Variants in TENM4 observed in about 807,000 individuals in gnomAD.
TENM4 encodes the protein teneurin-4.
Under a neutral mutation model 243.3 loss-of-function variants are expected in TENM4, and 82 were observed. That is an observed-to-expected ratio of 0.34 (90% CI 0.28 to 0.40). The LOEUF is 0.40. Among genes scored for constraint, TENM4 ranks in the 10% least tolerant of loss-of-function variants. The pLI is 1.00. For synonymous variants in TENM4, 1,412 were observed against 1,456.3 expected, an observed-to-expected ratio of 0.97 and a Z score of 0.69; for missense variants, 3,138 against 3,673.3, an observed-to-expected ratio of 0.85 and a Z score of 3.77.
chr11:79,039,356 T>C (rs1859462218), intron 6 of TENM4, among the ~76,000 whole-genome samples: 1 of 152,216 alleles, frequency 6.6e-6, no homozygotes, highest in African/African-American at 2.4e-5. Context: ...AGCCCCACAC[T>C]TGCTGTACGT....
At chr11:78,996,201 C>T (rs1858168451) in intron 6 of TENM4, among the ~76,000 whole-genome samples, 1 of 152,194 alleles carries the variant, frequency 6.6e-6, no homozygotes, top group Non-Finnish European at 1.5e-5. Context: ...ACTACTTTAA[C>T]TAATTGAATG....
chr11:79,270,620 T>C (rs528517982), intron 2 of TENM4, among the ~76,000 whole-genome samples: 2 of 152,130 alleles, frequency 1.3e-5, no homozygotes, highest in Non-Finnish European at 2.9e-5. Flanking sequence ...ACTTTTCATT[T>C]CTATTCCAGC....
At chr11:79,209,282 T>A (rs77819935) in intron 3 of TENM4, among the ~76,000 whole-genome samples, 1 of 152,192 alleles carries the variant, frequency 6.6e-6, no homozygotes, top group East Asian at 1.9e-4. Flanking sequence ...GAGTTCACTC[T>A]GCTAACCCCA....
intron 6 of TENM4, among the ~76,000 whole-genome samples, chr11:79,030,552 T>C (rs1859201661): frequency 6.6e-6 from 1 of 152,130 alleles, no homozygotes. Context: ...ACTGGATATC[T>C]GGCAGCCTGT....
intron 6 of TENM4, among the ~76,000 whole-genome samples, chr11:78,982,149 C>T (rs1295993634): frequency 1.3e-5 from 2 of 152,126 alleles, no homozygotes; most frequent in Admixed American, 6.6e-5. Context: ...CCTCAGTCTC[C>T]CTCCAAGGAA....
rs1398356179 is a variant in TENM4, at chr11:79,191,108, G to T, written c.-163+24700C>A. 5.6e-4 allele frequency among the ~76,000 whole-genome samples: 11 copies of T among 19,572 alleles called. 1 individual carries two copies. The highest frequency in any genetic ancestry group is 2.1e-3 in the African/African-American group (11 of 5,218). The allele number at this position is 19,572 out of a possible 152,430, so 12.8% of individuals were successfully genotyped here. On this transcript the variant is annotated intron_variant, in intron 3 of 33. Transcript: ENST00000278550. Reference sequence around the variant, plus strand: ...GTCTCCCTCTCCCTCTCCCTCTCCCGTCTCCCTCTCCCTCTCCCTCTCCCG... The same window carrying T: ...GTCTCCCTCTCCCTCTCCCTCTCCCTTCTCCCTCTCCCTCTCCCTCTCCCG...
Position 78,948,460 on chromosome 11 carries a change from C to T in TENM4, c.494-44937G>A, listed in dbSNP as rs185384518. 3.2e-3 allele frequency among the ~76,000 whole-genome samples: 485 copies of T among 151,560 alleles called. 3 individuals carry two copies. Among genetic ancestry groups the T allele is most frequent in the African/African-American group, 0.01 (413 of 41,244 alleles). ...AGTGATCTCGGCTCACTGCAAGCTC[C>T]GTCTCCCGGGTTCATGCCAGTCTCC... On this transcript the variant is annotated intron_variant, in intron 6 of 33. Transcript: ENST00000278550.
chr11:78,914,786 G>C (rs1856275102), intron 6 of TENM4, among the ~76,000 whole-genome samples: 1 of 152,108 alleles, frequency 6.6e-6, no homozygotes, highest in Non-Finnish European at 1.5e-5. Context: ...AATTCCTCTA[G>C]CTGTCATCTT....
chr11:79,336,631 C>T (rs1407053142), intron 1 of TENM4, among the ~76,000 whole-genome samples: 2 of 152,184 alleles, frequency 1.3e-5, no homozygotes, highest in Non-Finnish European at 2.9e-5. Context: ...AGCCTCATTA[C>T]TTCTATCTGT....
intron 19 of TENM4, among the ~76,000 whole-genome samples, chr11:78,739,889 A>G (rs1855881970): frequency 6.6e-6 from 1 of 152,196 alleles, no homozygotes; most frequent in Non-Finnish European, 1.5e-5. Context: ...GAAGCTCCAT[A>G]GAAAGCAGGT....
intron 12 of TENM4, among the ~76,000 whole-genome samples, chr11:78,823,948 C>T (rs1006086419): frequency 4.6e-5 from 7 of 152,006 alleles, no homozygotes; most frequent in Non-Finnish European, 1.0e-4. Flanking sequence ...ACAACAGTTC[C>T]GTATGTAGGA....
rs34771137 is a variant in TENM4, at chr11:79,041,494, C to CAAAAA, written c.493+23239_493+23243dup. The stretch of plus-strand genomic sequence containing the variant: ...CAACTCTTGGCACATTGGAGGCACT[C>CAAAAA]AAAAAAAAAAAAAATCGAAGAAACA... On this transcript the variant is annotated intron_variant, in intron 6 of 33. Transcript: ENST00000278550. Among the ~76,000 whole-genome samples the CAAAAA allele has an allele frequency of 9.6e-4, 134 of 140,220 alleles. 4 individuals are homozygous for CAAAAA. Among genetic ancestry groups the CAAAAA allele is most frequent in the African/African-American group, 3.1e-3 (119 of 38,380 alleles). The allele number at this position is 140,220 out of a possible 152,430, so 92.0% of individuals were successfully genotyped here.
chr11:79,234,331 G>A (rs900557346), intron 2 of TENM4, among the ~76,000 whole-genome samples: 6 of 152,194 alleles, frequency 3.9e-5, no homozygotes, highest in Admixed American at 2.0e-4. Flanking sequence ...TAGAAAAAGC[G>A]AAGGGAAGGT....
chr11:78,698,074 T>G (rs924119241), intron 28 of TENM4, among the ~76,000 whole-genome samples: 1 of 152,260 alleles, frequency 6.6e-6, no homozygotes, highest in African/African-American at 2.4e-5. Context: ...GGTGTACTAT[T>G]TAATCTTTTA....
At chr11:79,355,836 A>T (rs527960079) in intron 1 of TENM4, among the ~76,000 whole-genome samples, 2 of 152,356 alleles carry the variant, frequency 1.3e-5, no homozygotes, top group Admixed American at 6.5e-5. Context: ...TCACACTGAC[A>T]CATGAGACCA....
At position 79,056,739 on chromosome 11, in the gene TENM4, G is replaced by A. The variant is rs1382349519; in HGVS notation, c.493+7999C>T. On this transcript the variant is annotated intron_variant, in intron 6 of 33. Coordinates refer to ENST00000278550, the MANE Select transcript of TENM4 (RefSeq NM_001098816.3). The stretch of plus-strand genomic sequence containing the variant: ...CCAAGATGATCTGCAGCAGGATGGA[G>A]CGTGGTGGGAGGAGTGGGCAAGGGA... Among the ~76,000 whole-genome samples the A allele has an allele frequency of 3.9e-5, 6 of 152,308 alleles. No individual in the cohort carries two copies. In the South Asian group the frequency reaches 6.2e-4, roughly 16 times the overall value.
Position 78,670,247 on chromosome 11 carries a change from G to A in TENM4, c.6098C>T (p.Thr2033Ile), listed in dbSNP as rs1858287921. ...CAGCATGCCTGCCGTCTCGTCATAG[G>A]TGAAACTGACCTTGGTGGTGTCATA... The part of the protein sequence containing the change: ...TLYDTTKVSF[T>I]YDETAGMLKT... Residue 2033 changes from threonine (T) to isoleucine (I), a missense_variant, in exon 32 of 34, where the codon ACC becomes ATC. Thr to Ile is a moderately conservative substitution (Grantham distance 89). Coordinates refer to ENST00000278550, the MANE Select transcript of TENM4 (RefSeq NM_001098816.3). 3 of 1,613,812 alleles carry A rather than the reference G, an allele frequency of 1.9e-6. No individual in the cohort carries two copies. The highest frequency in any genetic ancestry group is 8.5e-7 in the Non-Finnish European group (1 of 1,179,882).
At chr11:79,352,638 A>G (rs1857433174) in intron 1 of TENM4, among the ~76,000 whole-genome samples, 1 of 152,174 alleles carries the variant, frequency 6.6e-6, no homozygotes, top group South Asian at 2.1e-4. Flanking sequence ...GGCAGGCGAG[A>G]GAGGCAAGGG....
At chr11:79,361,406 T>C (rs1213104843) in intron 1 of TENM4, among the ~76,000 whole-genome samples, 1 of 152,204 alleles carries the variant, frequency 6.6e-6, no homozygotes, top group Non-Finnish European at 1.5e-5. Flanking sequence ...ACTAAATTCA[T>C]CATCAGCTCC....
Sources: allele counts gnomAD v4.1 joint callset (sites outside exome capture counted in the v4.1 genomes callset), GRCh38; gene constraint gnomAD v4.1.1; transcripts MANE v1.5; gene names NCBI Gene and HGNC (gene_info 2026-07-23, HGNC 2026-07-21).